The following HERC2 variants were observed in gnomAD, a reference collection of about 807,000 sequenced individuals.
The protein encoded by HERC2 is HECT and RLD domain containing E3 ubiquitin protein ligase 2, also known as E3 ubiquitin-protein ligase HERC2.
A neutral mutation model predicts 537.7 loss-of-function variants in HERC2; 102 were observed. The observed-to-expected ratio is 0.19, with a 90% confidence interval of 0.16 to 0.22. The LOEUF (loss-of-function observed/expected upper bound fraction) is 0.22, where lower values mean the gene tolerates loss of function less well. Among genes scored for constraint, HERC2 ranks in the 10% least tolerant of loss-of-function variants. The pLI is 1.00. For synonymous variants in HERC2, 2,224 were observed against 2,466.2 expected, an observed-to-expected ratio of 0.90 and a Z score of 2.91; for missense variants, 4,236 against 6,198.2, an observed-to-expected ratio of 0.68 and a Z score of 10.63.
At chr15:28,262,621 T>C (rs947260040) in intron 15 of HERC2, among the ~76,000 whole-genome samples, 1 of 152,162 alleles carries the variant, frequency 6.6e-6, no homozygotes, top group Admixed American at 6.5e-5. Flanking sequence ...AGGGAACCCT[T>C]ACTGAGTCCA....
intron 85 of HERC2, among the ~76,000 whole-genome samples, chr15:28,121,721 G>T (rs997390222): frequency 1.3e-5 from 2 of 152,178 alleles, no homozygotes; most frequent in Non-Finnish European, 2.9e-5. Context: ...GCACACACAG[G>T]GCACAGAACA....
Position 28,171,472 on chromosome 15 carries a change from G to A in HERC2, c.10058-1817C>T, listed in dbSNP as rs560370756. ...CTACCCCAGAAAAGAAGACAGCACAGGAAGGTGAAGCCACTCGCCCCAGTT... is the reference window on the plus strand; with the variant it reads ...CTACCCCAGAAAAGAAGACAGCACAAGAAGGTGAAGCCACTCGCCCCAGTT... On this transcript the variant is annotated intron_variant, in intron 65 of 92. Coordinates refer to ENST00000261609, the MANE Select transcript of HERC2 (RefSeq NM_004667.6). 7.8e-4 allele frequency among the ~76,000 whole-genome samples: 118 copies of A among 152,232 alleles called. 1 individual carries two copies. The highest frequency in any genetic ancestry group is 2.7e-3 in the African/African-American group (112 of 41,542).
intron 57 of HERC2, 83 bp downstream of exon 57, chr15:28,182,318 G>C (rs1428763639): frequency 1.2e-6 from 1 of 831,022 alleles, no homozygotes; most frequent in Non-Finnish European, 2.1e-6. Context: ...AACATATAGA[G>C]AGTAAAGTTA....
Position 28,233,167 on chromosome 15 carries a change from G to A in HERC2, c.4654C>T (p.Arg1552Ter). 1.2e-6 allele frequency: 2 copies of A among 1,611,468 alleles called. No homozygotes were observed. Among genetic ancestry groups the A allele is most frequent in the Non-Finnish European group, 1.7e-6 (2 of 1,179,616 alleles). The stretch of plus-strand genomic sequence containing the variant: ...TTACCTCTCTTTTTCCTTCGTTCTC[G>A]AATTATCTTTTGAGCTATCCTCCTC... ...RWRRIAQKII[R>*]ERRKKRVPKK... is the part of the protein sequence containing the mutation. Residue 1552 changes from arginine to a stop codon, truncating the protein, a stop_gained, in exon 30 of 93, where the codon CGA becomes TGA. Transcript: ENST00000261609. LOFTEE classifies it high-confidence loss of function.
chr15:28,294,107 T>C (rs377342868), intron 3 of HERC2, among the ~76,000 whole-genome samples: 1 of 152,252 alleles, frequency 6.6e-6, no homozygotes, highest in African/African-American at 2.4e-5. Flanking sequence ...TGACACCAAA[T>C]GCATGGACTT....
chr15:28,161,210 G>A (rs192147777), intron 69 of HERC2, among the ~76,000 whole-genome samples: 51 of 152,166 alleles, frequency 3.4e-4, no homozygotes, highest in Middle Eastern at 6.8e-3. Context: ...GAGCTTTAAC[G>A]TTTCAGAATT....
At chr15:28,193,050 T>C (rs1246992025) in intron 52 of HERC2, among the ~76,000 whole-genome samples, 1 of 152,088 alleles carries the variant, frequency 6.6e-6, no homozygotes, top group Non-Finnish European at 1.5e-5. Flanking sequence ...CAACCTTCTC[T>C]CCTCCATTCC....
chr15:28,130,493 T>G lies in HERC2; in HGVS notation c.12662+10A>C. 5 of 1,612,336 alleles carry G rather than the reference T, an allele frequency of 3.1e-6. No individual in the cohort carries two copies. The highest frequency in any genetic ancestry group is 4.2e-6 in the Non-Finnish European group (5 of 1,178,450). ...TTTTAGTGGGTTTAAACAAACAGAA[T>G]CTTGCGTACCAGGTATAAACAGCTC... On this transcript the variant is annotated intron_variant, in intron 82 of 92. Coordinates refer to ENST00000261609, the MANE Select transcript of HERC2 (RefSeq NM_004667.6).
At chr15:28,273,251 A>G in intron 7 of HERC2, 1 of 553,022 alleles carries the variant, frequency 1.8e-6, no homozygotes, top group Non-Finnish European at 3.2e-6. Flanking sequence ...GACATACTCC[A>G]TGTATATGAA....
At chr15:28,136,336 A>G (rs1274784877) in intron 78 of HERC2, among the ~76,000 whole-genome samples, 1 of 146,132 alleles carries the variant, frequency 6.8e-6, no homozygotes, top group Non-Finnish European at 1.5e-5. Flanking sequence ...GACATAATAT[A>G]AGGAAGCCAC....
rs1891252218 is a variant in HERC2, at chr15:28,141,787, C to G, written c.11760G>C (p.Glu3920Asp). 1.2e-6 allele frequency: 2 copies of G among 1,614,066 alleles called. No individual in the cohort carries two copies. Among genetic ancestry groups the G allele is most frequent in the Non-Finnish European group, 1.7e-6 (2 of 1,180,052 alleles). Reference protein sequence around the residue: ...ADSENMDVLHESHDIFKREQD... With the variant: ...ADSENMDVLHDSHDIFKREQD... ...GCTCTCTTTTAAAAATGTCATGGCT[C>G]TCATGCAGAACATCCATGTTTTCGC... Residue 3920 changes from glutamate to aspartate, a missense_variant, in exon 77 of 93, where the codon GAG becomes GAC. Physicochemically the swap from Glu to Asp is conservative, Grantham distance 45. Transcript: ENST00000261609.
rs2075289583 is a variant in HERC2, at chr15:28,257,196, G to A, written c.2382C>T (p.Ile794=). 1 of 1,613,932 alleles carries A rather than the reference G, an allele frequency of 6.2e-7. No homozygotes were observed. The highest frequency in any genetic ancestry group is 8.5e-7 in the Non-Finnish European group (1 of 1,179,860). ...CCAGCTGCTCAAAAGTCATTGAGCA[G>A]ATGTCCACCACAAAAGGGACACGGA... ...IGLRVPFVVD[I]CSMTFEQLDL... is the part of the protein sequence containing the mutation. The change falls in exon 17 of 93, where the codon ATC becomes ATT. Residue 794 remains isoleucine, a synonymous_variant. Coordinates refer to ENST00000261609, the MANE Select transcript of HERC2 (RefSeq NM_004667.6).
chr15:28,266,065 G>C, intron 12 of HERC2, 91 bp from the exon 13 acceptor site: 1 of 1,392,578 alleles, frequency 7.2e-7, no homozygotes, highest in Non-Finnish European at 9.9e-7. Flanking sequence ...TCCAAATTTA[G>C]ACCAGCATAG....
chr15:28,150,272 T>C (rs1892296469), intron 70 of HERC2, among the ~76,000 whole-genome samples: 1 of 150,912 alleles, frequency 6.6e-6, no homozygotes, highest in Non-Finnish European at 1.5e-5. Context: ...ACGCGGCTTC[T>C]AACCGAGAAC....
intron 69 of HERC2, among the ~76,000 whole-genome samples, chr15:28,154,447 T>G (rs527797268): frequency 1.9e-4 from 29 of 152,364 alleles, no homozygotes; most frequent in African/African-American, 6.5e-4. Context: ...ATCCTTATTC[T>G]TGTCTCTCCT....
At position 28,277,979 on chromosome 15, in the gene HERC2, G is replaced by A. The variant is rs2075920620; in HGVS notation, c.542+2089C>T. ...AGTATAATTTAAATCATCTCAGCCA[G>A]GCACAGTGGCTCACACCTATAATCC... On this transcript the variant is annotated intron_variant, in intron 5 of 92. Transcript: ENST00000261609. Among the ~76,000 whole-genome samples the A allele has an allele frequency of 2.0e-5, 3 of 152,010 alleles. No homozygotes were observed. In the South Asian group the frequency reaches 6.2e-4, roughly 32 times the overall value.
intron 35 of HERC2, among the ~76,000 whole-genome samples, chr15:28,224,535 G>C (rs898623300): frequency 1.3e-5 from 2 of 152,154 alleles, no homozygotes; most frequent in Admixed American, 6.5e-5. Flanking sequence ...GGATTAATGT[G>C]AACTCTAAGA....
rs1204850017 is a variant in HERC2 at position 28,177,566 on chromosome 15, C to T, written c.9164-57G>A. On this transcript the variant is annotated intron_variant, in intron 59 of 92. Transcript: ENST00000261609. This position sits in a 1 kb window ranked among gnomAD's most constrained non-coding sequence, Gnocchi z 5.0. ...AGGGCAGGGAACAGAAAGCCCACAG[C>T]ATAGCTAGCTCCCTATTTTGCCTGG... is the stretch of plus-strand genomic sequence containing the variant. 1.3e-6 allele frequency: 2 copies of T among 1,500,442 alleles called. No individual in the cohort carries two copies. Among genetic ancestry groups the T allele is most frequent in the African/African-American group, 2.8e-5 (2 of 72,490 alleles). The allele number at this position is 1,500,442 out of a possible 1,614,324, so 92.9% of individuals were successfully genotyped here. A position where few individuals can be genotyped will look rare whatever the true frequency, so the allele number is the denominator to read the frequency against.
chr15:28,142,367 C>T lies in HERC2; in HGVS notation c.11571G>A (p.Leu3857=), dbSNP rs546707634. The change falls in exon 76 of 93, where the codon CTG becomes CTA. Residue 3857 remains leucine, a synonymous_variant. Transcript: ENST00000261609. The part of the protein sequence containing the change: ...FKVLVALACD[L]ELDTLPCCAE... ...CACAGCAAGGCAGAGTGTCCAGCTC[C>T]AGGTCACAAGCAAGAGCTACCAGTA... is the stretch of plus-strand genomic sequence containing the variant. 49 of 1,613,812 alleles carry T rather than the reference C, an allele frequency of 3.0e-5. 1 individual carries two copies. The South Asian group carries it at 4.9e-4, about 16-fold the overall frequency.
Sources: allele counts gnomAD v4.1 joint callset (sites outside exome capture counted in the v4.1 genomes callset), GRCh38; gene constraint gnomAD v4.1.1; non-coding constraint Gnocchi (gnomAD v3.1); transcripts MANE v1.5; gene names NCBI Gene and HGNC (gene_info 2026-07-23, HGNC 2026-07-21).